RBFOX1: variants seen among roughly 807,000 people sequenced by gnomAD.
RBFOX1 encodes the protein RNA binding protein fox-1 homolog 1.
Under a neutral mutation model 57.7 loss-of-function variants are expected in RBFOX1, and 8 were observed. That is an observed-to-expected ratio of 0.14 (90% CI 0.08 to 0.25). The LOEUF (loss-of-function observed/expected upper bound fraction) is 0.25. RBFOX1 is among the 10% of genes least tolerant of loss of function. RBFOX1 has a pLI of 1.00. For missense variants in RBFOX1, 611 were observed against 548.5 expected, an observed-to-expected ratio of 1.11 and a Z score of -1.14; for synonymous variants, 326 against 222.4, an observed-to-expected ratio of 1.47 and a Z score of -4.15.
intron 4 of RBFOX1, among the ~76,000 whole-genome samples, chr16:7,062,893 ATTTTTTTTTTTTTTTTTTTTTT>A (rs1170936027): frequency 2.1e-5 from 1 of 47,256 alleles, no homozygotes; most frequent in Non-Finnish European, 3.8e-5. Flanking sequence ...AATGATCGCC[ATTTTTTTTTTTTTTTTTTTTTT>A]TTTTTTTTTT....
At chr16:7,156,605 A>G (rs1347579619) in intron 4 of RBFOX1, among the ~76,000 whole-genome samples, 1 of 152,160 alleles carries the variant, frequency 6.6e-6, no homozygotes, top group Non-Finnish European at 1.5e-5. Flanking sequence ...ATATATGTGT[A>G]CATATATATG....
At chr16:7,101,451 A>G (rs1168180773) in intron 4 of RBFOX1, among the ~76,000 whole-genome samples, 1 of 152,202 alleles carries the variant, frequency 6.6e-6, no homozygotes, top group Admixed American at 6.5e-5. Context: ...CAGTGAATGT[A>G]TGCGTGAGAT....
At chr16:6,817,908 G>A (rs750738392) in intron 3 of RBFOX1, among the ~76,000 whole-genome samples, 1 of 152,022 alleles carries the variant, frequency 6.6e-6, no homozygotes, top group Admixed American at 6.6e-5. Flanking sequence ...CCTGTTCCTG[G>A]GCCATTGCCC....
At chr16:6,095,203 TAAAC>T (rs1187442944) in intron 1 of RBFOX1, among the ~76,000 whole-genome samples, 3 of 152,204 alleles carry the variant, frequency 2.0e-5, no homozygotes, top group Admixed American at 6.5e-5. Context: ...AAAGTTTAAA[TAAAC>T]AGGTGGATTT....
At chr16:7,426,344 C>T (rs1254501986) in intron 4 of RBFOX1, among the ~76,000 whole-genome samples, 1 of 152,144 alleles carries the variant, frequency 6.6e-6, no homozygotes, top group Non-Finnish European at 1.5e-5. Context: ...AGGGGAGTTG[C>T]CAGTCACCAC....
At chr16:6,080,277 A>T (rs1748552365) in intron 1 of RBFOX1, among the ~76,000 whole-genome samples, 1 of 151,928 alleles carries the variant, frequency 6.6e-6, no homozygotes, top group African/African-American at 2.4e-5. Flanking sequence ...CTGTTATGTA[A>T]AGGTGGTTAA....
chr16:7,435,083 A>G (rs1403489092), intron 4 of RBFOX1, among the ~76,000 whole-genome samples: 2 of 152,166 alleles, frequency 1.3e-5, no homozygotes, highest in Admixed American at 6.5e-5. Context: ...ATATTGATAC[A>G]TTATTGTTAA....
intron 3 of RBFOX1, among the ~76,000 whole-genome samples, chr16:5,747,796 A>C (rs529480022): frequency 1.1e-4 from 16 of 152,096 alleles, no homozygotes; most frequent in Non-Finnish European, 2.2e-4. Context: ...CTAGTGGTCT[A>C]TCAATTTTGT....
chr16:7,346,491 A>T (rs17143468), intron 4 of RBFOX1, among the ~76,000 whole-genome samples: 1 of 151,812 alleles, frequency 6.6e-6, no homozygotes, highest in Admixed American at 6.6e-5. Context: ...CCTTCCTCCC[A>T]TGTTAGCATT....
chr16:6,297,403 T>A (rs2078247980), intron 1 of RBFOX1, among the ~76,000 whole-genome samples: 2 of 141,892 alleles, frequency 1.4e-5, no homozygotes, highest in African/African-American at 4.9e-5. Flanking sequence ...CTCTCATGGA[T>A]CTGCTGTTTC....
chr16:7,021,261 A>G (rs558806147), intron 3 of RBFOX1, among the ~76,000 whole-genome samples: 12 of 151,350 alleles, frequency 7.9e-5, no homozygotes, highest in East Asian at 5.8e-4. Flanking sequence ...TCATTTGGTT[A>G]CTACTTGAGT....
chr16:5,410,165 A>G (rs920787590), intron 1 of RBFOX1, among the ~76,000 whole-genome samples: 1 of 151,850 alleles, frequency 6.6e-6, no homozygotes, highest in Non-Finnish European at 1.5e-5. Flanking sequence ...GGAGTTCGAG[A>G]CCAGCCTGGG....
intron 2 of RBFOX1, among the ~76,000 whole-genome samples, chr16:5,590,692 T>G (rs7206257): frequency 0.2 from 29,901 of 152,030 alleles, 3,271 homozygotes; most frequent in East Asian, 0.32. Context: ...GGGCATTGCC[T>G]TTTGGTCACC....
At chr16:5,908,362 G>GT (rs2058528796) in intron 4 of RBFOX1, among the ~76,000 whole-genome samples, 1 of 141,890 alleles carries the variant, frequency 7.0e-6, no homozygotes, top group Non-Finnish European at 1.5e-5. Flanking sequence ...GTCTGTGTGT[G>GT]TTTTTTGTAA....
intron 1 of RBFOX1, among the ~76,000 whole-genome samples, chr16:6,261,987 C>G (rs915597749): frequency 1.3e-5 from 2 of 151,838 alleles, no homozygotes; most frequent in Non-Finnish European, 2.9e-5. Flanking sequence ...CAAGCTCACA[C>G]CATCGTACTC....
At chr16:5,700,639 T>C (rs2051014773) in intron 3 of RBFOX1, among the ~76,000 whole-genome samples, 1 of 152,246 alleles carries the variant, frequency 6.6e-6, no homozygotes, top group Admixed American at 6.5e-5. Flanking sequence ...TGGAAAATTC[T>C]CCATAATGAT....
At position 5,313,603 on chromosome 16, in the gene RBFOX1, C is replaced by T. The variant is rs1596486868; in HGVS notation, c.219+73498C>T. ...CAGTTCCACATGGCTGGGGAGGCCTCACAGTCACGGTGGAAGGCAAGGAGG... is the reference window on the plus strand; with the variant it reads ...CAGTTCCACATGGCTGGGGAGGCCTTACAGTCACGGTGGAAGGCAAGGAGG... On this transcript the variant is annotated intron_variant, in intron 1 of 2. Coordinates refer to the RBFOX1 transcript ENST00000585867. 1.3e-5 allele frequency among the ~76,000 whole-genome samples: 2 copies of T among 152,002 alleles called. 1 individual carries two copies. Among genetic ancestry groups the T allele is most frequent in the Non-Finnish European group, 2.9e-5 (2 of 67,996 alleles).
intron 2 of RBFOX1, among the ~76,000 whole-genome samples, chr16:6,404,955 T>C (rs1272659181): frequency 6.6e-6 from 1 of 152,200 alleles, no homozygotes; most frequent in East Asian, 1.9e-4. Context: ...ACAAATGCCT[T>C]CTATTTCTTC....
At position 6,942,126 on chromosome 16, in the gene RBFOX1, C is replaced by T. The variant is rs146622682; in HGVS notation, c.-15-109931C>T. ...CAGTGGTGCACACCTGTAATCCCAG[C>T]TACTTGGGAGGCTGAGGCAGGAGAA... On this transcript the variant is annotated intron_variant, in intron 3 of 15. Coordinates refer to ENST00000550418, the MANE Select transcript of RBFOX1 (RefSeq NM_018723.4). Among the ~76,000 whole-genome samples, 230 of 152,226 alleles carry T rather than the reference C, an allele frequency of 1.5e-3. 3 individuals carry two copies. The highest frequency in any genetic ancestry group is 5.3e-3 in the African/African-American group (219 of 41,534).
Sources: allele counts gnomAD v4.1 joint callset (sites outside exome capture counted in the v4.1 genomes callset), GRCh38; gene constraint gnomAD v4.1.1; transcripts MANE v1.5; gene names NCBI Gene and HGNC (gene_info 2026-07-23, HGNC 2026-07-21).